Variants in OSBPL6 observed in about 807,000 individuals in gnomAD.
The protein encoded by OSBPL6 is oxysterol-binding protein-related protein 6.
Under a neutral mutation model 125.8 loss-of-function variants are expected in OSBPL6, and 49 were observed. The observed-to-expected ratio is 0.39, with a 90% CI of 0.31 to 0.49. The LOEUF is 0.49. Among genes scored for constraint, OSBPL6 ranks in the 20% least tolerant of loss-of-function variants. The probability of loss-of-function intolerance (pLI) is 0.88; values close to 1 mark genes in which losing one functional copy is unlikely to be tolerated. For missense variants in OSBPL6, 986 were observed against 1,135.4 expected (o/e 0.87, Z 1.89); for synonymous variants, 394 against 391.8 (o/e 1.01, Z -0.07).
At chr2:178,330,821 G>A (rs758012430) in intron 5 of OSBPL6, among the ~76,000 whole-genome samples, 35 of 152,252 alleles carry the variant, frequency 2.3e-4, no homozygotes, top group Non-Finnish European at 4.4e-4. Flanking sequence ...TGAATTGCCC[G>A]TGGAAGAAAA....
chr2:178,226,588 ATG>A (rs1341489373), intron 1 of OSBPL6, among the ~76,000 whole-genome samples: 1 of 152,226 alleles, frequency 6.6e-6, no homozygotes, highest in Non-Finnish European at 1.5e-5. Context: ...ACATGCTCAC[ATG>A]TGTTTAGAAC....
chr2:178,380,898 T>G (rs1422378129), intron 15 of OSBPL6, among the ~76,000 whole-genome samples: 2 of 152,218 alleles, frequency 1.3e-5, no homozygotes, highest in Non-Finnish European at 2.9e-5. Flanking sequence ...GATCTCCTTT[T>G]TCAGTATATA....
intron 2 of OSBPL6, among the ~76,000 whole-genome samples, chr2:178,301,638 T>G (rs544104464): frequency 6.6e-6 from 1 of 152,316 alleles, no homozygotes; most frequent in South Asian, 2.1e-4. Context: ...CCCAAATATC[T>G]ACTGCCTCGC....
chr2:178,383,390 A>G (rs1391298830), intron 17 of OSBPL6, 113 bp downstream of exon 17: 2 of 1,393,916 alleles, frequency 1.4e-6, no homozygotes, highest in African/African-American at 1.5e-5. Context: ...CTTACTGCAT[A>G]GTAAAAGAGG....
At chr2:178,212,187 TTCCCTGACATAC>T (rs1237152856) in intron 1 of OSBPL6, among the ~76,000 whole-genome samples, 1 of 152,164 alleles carries the variant, frequency 6.6e-6, no homozygotes, top group African/African-American at 2.4e-5. Context: ...CTGTAGAGGT[TTCCCTGACATAC>T]CCTGTGTCAT....
intron 1 of OSBPL6, among the ~76,000 whole-genome samples, chr2:178,249,127 A>G (rs1390270163): frequency 6.6e-6 from 1 of 152,048 alleles, no homozygotes; most frequent in Non-Finnish European, 1.5e-5. Flanking sequence ...TTTAGCAGAG[A>G]CTGGGTTTCA....
At chr2:178,218,442 C>G (rs6731799) in intron 1 of OSBPL6, among the ~76,000 whole-genome samples, 29,663 of 150,446 alleles carry the variant, frequency 0.2, 3,944 homozygotes, top group African/African-American at 0.38. Flanking sequence ...AATGCTATAG[C>G]AAGGTAAGCT....
chr2:178,200,996 G>A lies in OSBPL6; in HGVS notation c.-351+6322G>A, dbSNP rs546397902. 3.1e-3 allele frequency among the ~76,000 whole-genome samples: 466 copies of A among 151,978 alleles called. 4 individuals carry two copies. The highest frequency in any genetic ancestry group is 0.01 in the African/African-American group (422 of 41,458). On this transcript the variant is annotated intron_variant, in intron 1 of 24. Transcript: ENST00000190611. ...TTTTTAGTAGAGATGGGGTTTCACC[G>A]TGTTAGCCAGGATGGTCTTGATCTC...
upstream of OSBPL6, chr2:178,194,401 C>G (rs1353440499): frequency 6.6e-6 from 1 of 151,986 alleles, no homozygotes; most frequent in Non-Finnish European, 1.5e-5. Context: ...CGGGCGGGAG[C>G]CGGGGGCGGG....
At chr2:178,210,998 G>A (rs1357529292) in intron 1 of OSBPL6, among the ~76,000 whole-genome samples, 1 of 151,838 alleles carries the variant, frequency 6.6e-6, no homozygotes, top group Non-Finnish European at 1.5e-5. Context: ...ATATAAAATC[G>A]AGGCTAGGTG....
intron 1 of OSBPL6, among the ~76,000 whole-genome samples, chr2:178,261,046 C>T (rs1194482570): frequency 1.3e-5 from 2 of 152,050 alleles, no homozygotes; most frequent in East Asian, 1.9e-4. Context: ...GCAGAAGAAT[C>T]GCTTGAACCT....
At chr2:178,337,158 G>C (rs768569774) in intron 9 of OSBPL6, among the ~76,000 whole-genome samples, 1 of 151,904 alleles carries the variant, frequency 6.6e-6, no homozygotes, top group Non-Finnish European at 1.5e-5. Flanking sequence ...CTTCAAAACC[G>C]AGAAAAACAA....
chr2:178,262,995 C>A (rs776247144), intron 1 of OSBPL6, among the ~76,000 whole-genome samples: 2 of 152,026 alleles, frequency 1.3e-5, no homozygotes, highest in Non-Finnish European at 2.9e-5. Flanking sequence ...TAATTCTTGT[C>A]TTGTTAGAAA....
intron 1 of OSBPL6, among the ~76,000 whole-genome samples, chr2:178,243,803 C>T (rs959974305): frequency 6.6e-6 from 1 of 152,126 alleles, no homozygotes; most frequent in Non-Finnish European, 1.5e-5. Context: ...CAGGTGCCTG[C>T]CACCACACCC....
At position 178,360,999 on chromosome 2, in the gene OSBPL6, G is replaced by A. The variant is rs560603325; in HGVS notation, c.1154-683G>A. Among the ~76,000 whole-genome samples, 9 of 152,286 alleles carry A rather than the reference G, an allele frequency of 5.9e-5. No individual in the cohort carries two copies. The South Asian group carries it at 1.5e-3, about 25-fold the overall frequency. On this transcript the variant is annotated intron_variant, in intron 12 of 24. Transcript: ENST00000190611. ...GAAAGTCACCCTTTCTGTAGTTCAC[G>A]ATTGAAGACTGCCTCAGATTTTACC...
intron 6 of OSBPL6, among the ~76,000 whole-genome samples, 196 bp downstream of exon 6, chr2:178,331,801 G>A (rs765870126): frequency 1.3e-5 from 2 of 152,118 alleles, no homozygotes; most frequent in Non-Finnish European, 2.9e-5. Flanking sequence ...CTATTTTGAT[G>A]TGTGTTATTA....
chr2:178,309,047 G>A (rs1334835152), intron 3 of OSBPL6, among the ~76,000 whole-genome samples: 1 of 152,030 alleles, frequency 6.6e-6, no homozygotes, highest in South Asian at 2.1e-4. Flanking sequence ...CAACAGTCTT[G>A]TCTGATCATA....
intron 1 of OSBPL6, among the ~76,000 whole-genome samples, chr2:178,271,093 C>G (rs1056798619): frequency 2.6e-5 from 4 of 152,164 alleles, no homozygotes; most frequent in African/African-American, 9.7e-5. Flanking sequence ...CATAGTCTAC[C>G]TTGTTTGCCC....
At chr2:178,380,456 CAA>C (rs60399092) in intron 15 of OSBPL6, among the ~76,000 whole-genome samples, 3 of 25,990 alleles carry the variant, frequency 1.2e-4, no homozygotes, top group African/African-American at 3.1e-4. Context: ...GAGTCTGTCT[CAA>C]AAAAAAAAAA....
Sources: allele counts gnomAD v4.1 joint callset (sites outside exome capture counted in the v4.1 genomes callset), GRCh38; gene constraint gnomAD v4.1.1; transcripts MANE v1.5; gene names NCBI Gene and HGNC (gene_info 2026-07-23, HGNC 2026-07-21).